Variants in ANKRD28 observed in about 807,000 individuals in gnomAD.
ANKRD28 encodes serine/threonine-protein phosphatase 6 regulatory ankyrin repeat subunit A.
ANKRD28 carries 44 observed loss-of-function variants against 126.5 expected under a neutral mutation model. The ratio of observed to expected loss-of-function variants is 0.35; its 90% CI spans 0.27 to 0.45. The LOEUF (loss-of-function observed/expected upper bound fraction) is 0.45, where lower values mean the gene tolerates loss of function less well. ANKRD28 is among the 20% of genes least tolerant of loss of function. The pLI is 1.00. For missense variants in ANKRD28, 1,110 were observed against 1,316.6 expected (o/e 0.84, Z 2.43); for synonymous variants, 442 against 468.5 (o/e 0.94, Z 0.73).
At chr3:15,688,051 A>C (rs1401850376) in intron 18 of ANKRD28, among the ~76,000 whole-genome samples, 2 of 152,222 alleles carry the variant, frequency 1.3e-5, no homozygotes, top group African/African-American at 2.4e-5. Context: ...ATAGGCACTA[A>C]GAGTAACCTG....
At chr3:15,858,780 T>C (rs1334622960) in intron 1 of ANKRD28, among the ~76,000 whole-genome samples, 2 of 152,220 alleles carry the variant, frequency 1.3e-5, no homozygotes, top group Non-Finnish European at 2.9e-5. Context: ...CAAAGTAGTT[T>C]TTCAGTTCCA....
intron 14 of ANKRD28, among the ~76,000 whole-genome samples, chr3:15,704,041 T>C (rs555732093): frequency 6.6e-6 from 1 of 152,252 alleles, no homozygotes; most frequent in African/African-American, 2.4e-5. Flanking sequence ...ATATACATAC[T>C]ACACACAGGT....
intron 1 of ANKRD28, 104 bp downstream of exon 1, chr3:15,796,301 G>T: frequency 1.1e-5 from 7 of 613,418 alleles, no homozygotes; most frequent in South Asian, 5.4e-5. Flanking sequence ...CTTTAATTTG[G>T]GTTTGTAAAG....
At chr3:15,777,086 T>A (rs545815077) in intron 2 of ANKRD28, among the ~76,000 whole-genome samples, 1 of 152,014 alleles carries the variant, frequency 6.6e-6, no homozygotes, top group African/African-American at 2.4e-5. Context: ...CCATCCTGGT[T>A]AACGTGGTGA....
chr3:15,745,653 G>A (rs2057427337), intron 4 of ANKRD28, among the ~76,000 whole-genome samples: 1 of 152,132 alleles, frequency 6.6e-6, no homozygotes, highest in Admixed American at 6.5e-5. Flanking sequence ...GATGCCTCCA[G>A]ATTTGGTCTT....
At position 15,845,461 on chromosome 3, in the gene ANKRD28, C is replaced by T. The variant is rs963601938; in HGVS notation, c.27+13916G>A. ...TCTGTTGAAGTTTCTTGATTCCAGA[C>T]ATCTCTATTTCAATCATTCAGGCAC... On this transcript the variant is annotated intron_variant, in intron 1 of 27. Coordinates refer to the ANKRD28 transcript ENST00000399451. The surrounding 1 kb of genome is among the most constrained non-coding windows in gnomAD (Gnocchi z 4.9). Among the ~76,000 whole-genome samples the T allele has an allele frequency of 7.2e-5, 11 of 152,150 alleles. No individual in the cohort carries two copies.
At chr3:15,739,578 G>A (rs2075293556) in intron 4 of ANKRD28, among the ~76,000 whole-genome samples, 1 of 152,186 alleles carries the variant, frequency 6.6e-6, no homozygotes, top group Non-Finnish European at 1.5e-5. Context: ...CTGTAAAGGA[G>A]ATGGGGGTGG....
At chr3:15,727,168 CA>C (rs2074232681) in intron 6 of ANKRD28, among the ~76,000 whole-genome samples, 1 of 152,178 alleles carries the variant, frequency 6.6e-6, no homozygotes, top group African/African-American at 2.4e-5. Flanking sequence ...TTTCAACTTT[CA>C]AAGTCTTATT....
Position 15,696,229 on chromosome 3 carries a change from A to T in ANKRD28, c.1564T>A (p.Leu522Ile). 1 of 1,582,038 alleles carries T rather than the reference A, an allele frequency of 6.3e-7. No individual in the cohort carries two copies. The highest frequency in any genetic ancestry group is 1.8e-5 in the Admixed American group (1 of 56,046). ...ATCCCTGGATTTGCATCGTTTCTTA[A>T]TAAGTATTCCAGGCACCTATATACA... ...DTDGKCLEYL[L>I]RNDANPGIRD... Residue 522 changes from leucine to isoleucine, a missense_variant, in exon 15 of 28, where the codon TTA becomes ATA. Transcript: ENST00000683139.
intron 2 of ANKRD28, among the ~76,000 whole-genome samples, chr3:15,767,493 G>T (rs2058793395): frequency 6.6e-6 from 1 of 151,978 alleles, no homozygotes; most frequent in Admixed American, 6.6e-5. Context: ...TGAAGTTGTT[G>T]CTTGGTGTGG....
At chr3:15,769,505 T>C (rs1358865219) in intron 2 of ANKRD28, among the ~76,000 whole-genome samples, 1 of 152,222 alleles carries the variant, frequency 6.6e-6, no homozygotes, top group African/African-American at 2.4e-5. Context: ...TGAATCACTG[T>C]AGGAGGCAAA....
At chr3:15,687,259 A>G (rs1321406383) in intron 18 of ANKRD28, among the ~76,000 whole-genome samples, 1 of 152,070 alleles carries the variant, frequency 6.6e-6, no homozygotes, top group East Asian at 1.9e-4. Context: ...TCGACATTGT[A>G]TATGAGACAC....
At chr3:15,744,217 A>T (rs1452931354) in intron 4 of ANKRD28, among the ~76,000 whole-genome samples, 1 of 152,254 alleles carries the variant, frequency 6.6e-6, no homozygotes, top group Non-Finnish European at 1.5e-5. Context: ...CAGTGTTTAC[A>T]GAAGTTATAT....
intron 6 of ANKRD28, 132 bp downstream of exon 6, chr3:15,735,278 T>C (rs2074941472): frequency 1.6e-6 from 1 of 642,848 alleles, no homozygotes; most frequent in South Asian, 2.6e-5. Context: ...TTGTTCTACC[T>C]GGGCATCAAA....
intron 21 of ANKRD28, chr3:15,684,856 G>GC (rs1159422796): frequency 5.3e-6 from 1 of 189,548 alleles, no homozygotes; most frequent in East Asian, 1.5e-4. Context: ...CTACATGGTG[G>GC]CTCATGCCTG....
At chr3:15,723,396 C>T (rs1187773066) in intron 7 of ANKRD28, among the ~76,000 whole-genome samples, 1 of 152,192 alleles carries the variant, frequency 6.6e-6, no homozygotes. Flanking sequence ...CCTTATGCTA[C>T]ATCTTCTAAT....
intron 1 of ANKRD28, among the ~76,000 whole-genome samples, chr3:15,850,224 T>TATATATATATATATATATAGAGAGAGAG (rs1418223588): frequency 5.7e-5 from 2 of 35,112 alleles, no homozygotes; most frequent in Non-Finnish European, 1.2e-4. Flanking sequence ...TATATATATA[T>TATATATATATATATATATAGAGAGAGAG]AGAGAGAGAG....
At chr3:15,798,589 C>G (rs67270604), upstream of ANKRD28, among the ~76,000 whole-genome samples, 20,235 of 151,804 alleles carry the variant, frequency 0.13, 2,040 homozygotes, top group East Asian at 0.56. Flanking sequence ...ATAAAATAAT[C>G]CTACCTTCCC....
At chr3:15,855,110 A>T (rs1049111758) in intron 1 of ANKRD28, among the ~76,000 whole-genome samples, 1 of 152,176 alleles carries the variant, frequency 6.6e-6, no homozygotes, top group Non-Finnish European at 1.5e-5. Flanking sequence ...GTACCTGAAT[A>T]TCTGGGCATC....
Sources: allele counts gnomAD v4.1 joint callset (sites outside exome capture counted in the v4.1 genomes callset), GRCh38; gene constraint gnomAD v4.1.1; non-coding constraint Gnocchi (gnomAD v3.1); transcripts MANE v1.5; gene names NCBI Gene and HGNC (gene_info 2026-07-23, HGNC 2026-07-21).